MVB12B: variants seen among roughly 807,000 people sequenced by gnomAD.
MVB12B encodes ESCRT-I complex subunit MVB12B.
A neutral mutation model predicts 41.6 loss-of-function variants in MVB12B; 16 were observed. The ratio of observed to expected loss-of-function variants is 0.38; its 90% CI spans 0.26 to 0.58. The LOEUF is 0.58. MVB12B is among the 20% of genes least tolerant of loss of function. The pLI is 0.62. For missense variants in MVB12B, 274 were observed against 380.2 expected (o/e 0.72, Z 2.32); for synonymous variants, 133 against 139.7 (o/e 0.95, Z 0.34).
intron 7 of MVB12B, among the ~76,000 whole-genome samples, chr9:126,440,299 A>G (rs1238926512): frequency 3.3e-5 from 5 of 152,110 alleles, no homozygotes; most frequent in Non-Finnish European, 7.4e-5. Context: ...TACCTCTCCA[A>G]GGTTATTTGA....
At chr9:126,400,477 A>C (rs1267244112) in intron 6 of MVB12B, among the ~76,000 whole-genome samples, 1 of 152,168 alleles carries the variant, frequency 6.6e-6, no homozygotes, top group Non-Finnish European at 1.5e-5. Context: ...GAACTAGAGC[A>C]ATCAGTGTTT....
At chr9:126,482,539 C>G (rs931484265) in intron 8 of MVB12B, among the ~76,000 whole-genome samples, 1 of 152,246 alleles carries the variant, frequency 6.6e-6, no homozygotes, top group African/African-American at 2.4e-5. Flanking sequence ...GCGCCTCTGC[C>G]GCCGTTCCCT....
intron 6 of MVB12B, among the ~76,000 whole-genome samples, chr9:126,402,499 C>A (rs528303813): frequency 6.6e-6 from 1 of 152,292 alleles, no homozygotes; most frequent in Non-Finnish European, 1.5e-5. Context: ...CAAAAATTAG[C>A]TGGGTGTGGT....
chr9:126,355,547 T>C (rs1445014453), intron 2 of MVB12B, among the ~76,000 whole-genome samples: 1 of 152,258 alleles, frequency 6.6e-6, no homozygotes, highest in African/African-American at 2.4e-5. Flanking sequence ...ATCTTGCTTA[T>C]AACTTAAGGC....
Position 126,391,703 on chromosome 9 carries a change from T to C in MVB12B, c.410-363T>C, listed in dbSNP as rs562732050. On this transcript the variant is annotated intron_variant, in intron 4 of 9. Transcript: ENST00000361171. The surrounding 1 kb of genome is among the most constrained non-coding windows in gnomAD (Gnocchi z 4.4). ...TTTGGGGTATGTTTGAAGATTTCTG[T>C]AATAAAAAGAAAAGAAGTCCGTGTG... 6.6e-6 allele frequency among the ~76,000 whole-genome samples: 1 copy of C among 152,286 alleles called. No homozygotes were observed. Among genetic ancestry groups the C allele is most frequent in the East Asian group, 1.9e-4 (1 of 5,184 alleles).
At chr9:126,385,646 G>A (rs914434542) in intron 3 of MVB12B, among the ~76,000 whole-genome samples, 1 of 152,228 alleles carries the variant, frequency 6.6e-6, no homozygotes, top group Non-Finnish European at 1.5e-5. Context: ...AAATGGGCAC[G>A]TGGAGTGCAC....
Position 126,389,144 on chromosome 9 carries a change from G to A in MVB12B, c.409+2486G>A, listed in dbSNP as rs1047907708. Among the ~76,000 whole-genome samples, 1 of 152,220 alleles carries A rather than the reference G, an allele frequency of 6.6e-6. No individual in the cohort carries two copies. Among genetic ancestry groups the A allele is most frequent in the Non-Finnish European group, 1.5e-5 (1 of 68,044 alleles). ...GTACACAGGTTGCTGTCCCAAGTGT[G>A]GACTCTGAGATCGGTCCTGGGCCCA... On this transcript the variant is annotated intron_variant, in intron 4 of 9. Coordinates refer to ENST00000361171, the MANE Select transcript of MVB12B (RefSeq NM_033446.3). This position sits in a 1 kb window ranked among gnomAD's most constrained non-coding sequence, Gnocchi z 4.4.
chr9:126,479,007 C>T (rs546487580), intron 7 of MVB12B, among the ~76,000 whole-genome samples: 43 of 152,202 alleles, frequency 2.8e-4, no homozygotes, highest in East Asian at 9.7e-4. Flanking sequence ...GTGCACAGTA[C>T]CTGGGCGTGC....
chr9:126,395,599 G>T lies in MVB12B; in HGVS notation c.564G>T (p.Trp188Cys), dbSNP rs766058718. The part of the protein sequence containing the change: ...FIGELNSMGI[W>C]YRMGRVPRNH... Reference sequence around the variant, plus strand: ...GGGAACTGAACAGCATGGGGATCTGGTATCGAATGGGCAGAGTACCAAGAA... The same window carrying T: ...GGGAACTGAACAGCATGGGGATCTGTTATCGAATGGGCAGAGTACCAAGAA... Residue 188 changes from tryptophan (W) to cysteine (C), a missense_variant, in exon 6 of 10, where the codon TGG becomes TGT. Coordinates refer to ENST00000361171, the MANE Select transcript of MVB12B (RefSeq NM_033446.3). This position sits in a 1 kb window ranked among gnomAD's most constrained non-coding sequence, Gnocchi z 4.9. 1.2e-6 allele frequency: 2 copies of T among 1,614,180 alleles called. No individual in the cohort carries two copies. Among genetic ancestry groups the T allele is most frequent in the Admixed American group, 1.7e-5 (1 of 60,022 alleles).
At chr9:126,461,862 G>A (rs1253153368) in intron 7 of MVB12B, among the ~76,000 whole-genome samples, 2 of 152,058 alleles carry the variant, frequency 1.3e-5, no homozygotes, top group East Asian at 3.9e-4. Context: ...GGGGTTGAGA[G>A]CATGGGGGCC....
chr9:126,493,475 TTC>T (rs1281356878), intron 9 of MVB12B, among the ~76,000 whole-genome samples: 2 of 152,204 alleles, frequency 1.3e-5, no homozygotes, highest in Non-Finnish European at 2.9e-5. Context: ...TTAGGGTTAG[TTC>T]TCTCTTTTTT....
intron 7 of MVB12B, among the ~76,000 whole-genome samples, chr9:126,424,130 T>C (rs1188535139): frequency 1.3e-5 from 2 of 152,226 alleles, no homozygotes; most frequent in African/African-American, 2.4e-5. Context: ...TAGTGTTCCA[T>C]CCCTTCCTAA....
At position 126,391,634 on chromosome 9, in the gene MVB12B, C is replaced by G. The variant is rs1830956304; in HGVS notation, c.410-432C>G. Among the ~76,000 whole-genome samples, 1 of 152,208 alleles carries G rather than the reference C, an allele frequency of 6.6e-6. No homozygotes were observed. Among genetic ancestry groups the G allele is most frequent in the Non-Finnish European group, 1.5e-5 (1 of 68,032 alleles). On this transcript the variant is annotated intron_variant, in intron 4 of 9. Transcript: ENST00000361171. This position sits in a 1 kb window ranked among gnomAD's most constrained non-coding sequence, Gnocchi z 4.4. Reference sequence around the variant, plus strand: ...TTGTCCATTGTGCACAGCATTGACACTGGGTGACGGGAACACGTGGATTCA... The same window carrying G: ...TTGTCCATTGTGCACAGCATTGACAGTGGGTGACGGGAACACGTGGATTCA...
intron 5 of MVB12B, among the ~76,000 whole-genome samples, chr9:126,394,815 C>T (rs1333866943): frequency 1.3e-5 from 2 of 152,176 alleles, no homozygotes; most frequent in African/African-American, 4.8e-5. Flanking sequence ...AGATTATATT[C>T]CTCTACATCA....
intron 6 of MVB12B, among the ~76,000 whole-genome samples, chr9:126,409,120 G>T (rs982955217): frequency 3.3e-5 from 5 of 152,096 alleles, no homozygotes; most frequent in Non-Finnish European, 5.9e-5. Context: ...CATTGTGGGG[G>T]GGGGCTCAGT....
intron 2 of MVB12B, among the ~76,000 whole-genome samples, chr9:126,349,905 A>T (rs1448562682): frequency 6.6e-6 from 1 of 152,234 alleles, no homozygotes; most frequent in Non-Finnish European, 1.5e-5. Flanking sequence ...TGGTAGTTGC[A>T]TGTTTAGTTT....
At position 126,386,238 on chromosome 9, in the gene MVB12B, G is replaced by C. The variant is rs373217584; in HGVS notation, c.313-324G>C. 6.6e-6 allele frequency among the ~76,000 whole-genome samples: 1 copy of C among 152,178 alleles called. No individual in the cohort carries two copies. Among genetic ancestry groups the C allele is most frequent in the Non-Finnish European group, 1.5e-5 (1 of 68,026 alleles). On this transcript the variant is annotated intron_variant, in intron 3 of 9. Coordinates refer to ENST00000361171, the MANE Select transcript of MVB12B (RefSeq NM_033446.3). The surrounding 1 kb of genome is among the most constrained non-coding windows in gnomAD (Gnocchi z 4.3). ...GCCTTGAGATCTGATGCTCAGGGCT[G>C]AATGGCAGCCTGGTCCTGGGACCTG... is the stretch of plus-strand genomic sequence containing the variant.
chr9:126,498,153 G>C (rs1298794425), intron 9 of MVB12B, among the ~76,000 whole-genome samples: 1 of 152,230 alleles, frequency 6.6e-6, no homozygotes, highest in Non-Finnish European at 1.5e-5. Context: ...AGGACGTGGA[G>C]CCCCTCATGT....
At chr9:126,378,055 C>A (rs1188407939) in intron 2 of MVB12B, among the ~76,000 whole-genome samples, 1 of 152,226 alleles carries the variant, frequency 6.6e-6, no homozygotes, top group Non-Finnish European at 1.5e-5. Flanking sequence ...TATTGGGCCT[C>A]AAATTCAAGT....
Sources: gnomAD v4.1 joint callset for allele counts (sites outside exome capture counted in the v4.1 genomes callset) on GRCh38, gnomAD v4.1.1 for gene constraint, Gnocchi (gnomAD v3.1) non-coding constraint, MANE v1.5 for transcripts, NCBI Gene and HGNC (gene_info 2026-07-23, HGNC 2026-07-21) for gene names.